HS2ST1: variants seen among roughly 807,000 people sequenced by gnomAD.
The protein encoded by HS2ST1 is heparan sulfate 2-O-sulfotransferase 1.
HS2ST1 carries 18 observed loss-of-function variants against 42.9 expected under a neutral mutation model. That is an observed-to-expected ratio of 0.42 (90% CI 0.29 to 0.62). The LOEUF is 0.62. Among genes scored for constraint, HS2ST1 ranks in the 20% least tolerant of loss-of-function variants. The probability of loss-of-function intolerance (pLI) is 0.21; values close to 1 mark genes in which losing one functional copy is unlikely to be tolerated. For synonymous variants in HS2ST1, 146 were observed against 152.9 expected (o/e 0.95, Z 0.33); for missense variants, 334 against 433.8 (o/e 0.77, Z 2.04).
At chr1:87,036,606 G>T (rs1322418838) in intron 1 of HS2ST1, among the ~76,000 whole-genome samples, 1 of 152,002 alleles carries the variant, frequency 6.6e-6, no homozygotes, top group Non-Finnish European at 1.5e-5. Flanking sequence ...TATTTGTGTA[G>T]GGAAAAAATA....
intron 2 of HS2ST1, among the ~76,000 whole-genome samples, chr1:87,078,901 T>C (rs1479020519): frequency 6.6e-6 from 1 of 152,092 alleles, no homozygotes; most frequent in Non-Finnish European, 1.5e-5. Context: ...GAACTGGGAC[T>C]AGACTGATGA....
At chr1:87,044,585 A>G (rs1362892045) in intron 1 of HS2ST1, among the ~76,000 whole-genome samples, 5 of 152,226 alleles carry the variant, frequency 3.3e-5, no homozygotes, top group Admixed American at 2.6e-4. Context: ...TAAAGGCATG[A>G]TATTTATAAC....
chr1:87,077,078 A>G (rs1433908813), intron 2 of HS2ST1, among the ~76,000 whole-genome samples: 1 of 152,202 alleles, frequency 6.6e-6, no homozygotes, highest in Non-Finnish European at 1.5e-5. Context: ...GATGGAGCCC[A>G]GTTTTCAATT....
At chr1:86,994,305 G>A (rs951956327) in intron 1 of HS2ST1, among the ~76,000 whole-genome samples, 7 of 152,160 alleles carry the variant, frequency 4.6e-5, no homozygotes, top group African/African-American at 1.7e-4. Context: ...ATGTTCCACA[G>A]ATAATGCAGT....
intron 1 of HS2ST1, among the ~76,000 whole-genome samples, chr1:86,926,970 A>G (rs1278309480): frequency 6.6e-6 from 1 of 152,168 alleles, no homozygotes; most frequent in African/African-American, 2.4e-5. Context: ...GGCCTTTTGT[A>G]TCCCTTTAGA....
intron 1 of HS2ST1, among the ~76,000 whole-genome samples, chr1:87,003,236 G>A (rs116943786): frequency 6.6e-6 from 1 of 152,200 alleles, no homozygotes; most frequent in East Asian, 1.9e-4. Flanking sequence ...TCTTTAAGAT[G>A]CATTTTATCT....
chr1:87,057,281 T>TAACAAAAGATTGTTAAGG (rs1329088984), intron 1 of HS2ST1, among the ~76,000 whole-genome samples: 1 of 152,242 alleles, frequency 6.6e-6, no homozygotes, highest in Non-Finnish European at 1.5e-5. Flanking sequence ...TTGGTGTCCT[T>TAACAAAAGATTGTTAAGG]AACAATCTTT....
chr1:87,034,167 G>C (rs963738946), intron 1 of HS2ST1, among the ~76,000 whole-genome samples: 1 of 152,132 alleles, frequency 6.6e-6, no homozygotes, highest in Non-Finnish European at 1.5e-5. Flanking sequence ...AGAATCAATG[G>C]TGAGAATGGC....
chr1:87,061,077 A>T (rs1278819492), intron 1 of HS2ST1, among the ~76,000 whole-genome samples: 1 of 152,180 alleles, frequency 6.6e-6, no homozygotes, highest in Non-Finnish European at 1.5e-5. Flanking sequence ...TGTTTAAAAG[A>T]TGTGTCTAAT....
chr1:86,927,575 G>A (rs966980283), intron 1 of HS2ST1, among the ~76,000 whole-genome samples: 2 of 151,968 alleles, frequency 1.3e-5, no homozygotes, highest in African/African-American at 4.8e-5. Flanking sequence ...TTTTAAATTC[G>A]TGACATAGCT....
At chr1:87,089,926 G>GTTT (rs1651900923) in intron 3 of HS2ST1, among the ~76,000 whole-genome samples, 1 of 152,028 alleles carries the variant, frequency 6.6e-6, no homozygotes, top group Admixed American at 6.6e-5. Flanking sequence ...AACATTGGTA[G>GTTT]GAGATGTTCT....
chr1:86,995,318 TA>T (rs1476754741), intron 1 of HS2ST1, among the ~76,000 whole-genome samples: 5 of 152,222 alleles, frequency 3.3e-5, no homozygotes, highest in Non-Finnish European at 7.4e-5. Context: ...ATTGCATGTT[TA>T]ATTACCTTGG....
At chr1:87,002,953 C>G (rs1649335369) in intron 1 of HS2ST1, among the ~76,000 whole-genome samples, 1 of 152,172 alleles carries the variant, frequency 6.6e-6, no homozygotes, top group Non-Finnish European at 1.5e-5. Flanking sequence ...TATAAATGTA[C>G]AACACATAAG....
chr1:86,945,981 CT>C (rs1647320675), intron 1 of HS2ST1, among the ~76,000 whole-genome samples: 1 of 152,130 alleles, frequency 6.6e-6, no homozygotes, highest in South Asian at 2.1e-4. Flanking sequence ...ATACTGAAAG[CT>C]GTATGTTCAA....
chr1:86,957,897 GT>G (rs1351638929), intron 1 of HS2ST1, among the ~76,000 whole-genome samples: 1 of 150,682 alleles, frequency 6.6e-6, no homozygotes, highest in Non-Finnish European at 1.5e-5. Flanking sequence ...CGGGTTCAAC[GT>G]TTCTCCTGCC....
At chr1:87,055,556 CCCGCGT>C (rs1345146192) in intron 1 of HS2ST1, among the ~76,000 whole-genome samples, 27 of 152,164 alleles carry the variant, frequency 1.8e-4, no homozygotes, top group Non-Finnish European at 3.8e-4. Context: ...TTGTAGAAGT[CCCGCGT>C]GGGTTACTTA....
chr1:86,973,832 A>G (rs573418900), intron 1 of HS2ST1, among the ~76,000 whole-genome samples: 16 of 152,336 alleles, frequency 1.1e-4, no homozygotes, highest in African/African-American at 3.6e-4. Context: ...TGTAGAATTC[A>G]TAAGTCTTAA....
intron 4 of HS2ST1, among the ~76,000 whole-genome samples, chr1:87,095,479 A>G (rs1012358002): frequency 7.9e-5 from 12 of 152,320 alleles, no homozygotes; most frequent in African/African-American, 2.9e-4. Context: ...ACCTGCACCT[A>G]GGATAGCTTT....
chr1:87,019,084 A>G (rs1008111112), intron 1 of HS2ST1, among the ~76,000 whole-genome samples: 1 of 152,228 alleles, frequency 6.6e-6, no homozygotes, highest in Non-Finnish European at 1.5e-5. Context: ...TTTAGAAACT[A>G]GAATTTTAGA....
Sources: allele counts gnomAD v4.1 joint callset (sites outside exome capture counted in the v4.1 genomes callset), GRCh38; gene constraint gnomAD v4.1.1; transcripts MANE v1.5; gene names NCBI Gene and HGNC (gene_info 2026-07-23, HGNC 2026-07-21).